Variants in AP3S1 observed in about 807,000 individuals in gnomAD.
AP3S1 encodes adaptor related protein complex 3 subunit sigma 1, also known as AP-3 complex subunit sigma-1.
Under a neutral mutation model 21.3 loss-of-function variants are expected in AP3S1, and 12 were observed. The observed-to-expected ratio is 0.56, with a 90% CI of 0.36 to 0.91. The LOEUF is 0.91. Ranked by LOEUF, AP3S1 falls within the 40% of genes least tolerant of loss-of-function variation. The probability of loss-of-function intolerance (pLI) is 0.01; values close to 1 mark genes in which losing one functional copy is unlikely to be tolerated. For synonymous variants in AP3S1, 48 were observed against 78.4 expected (o/e 0.61, Z 2.05); for missense variants, 116 against 225.0 (o/e 0.52, Z 3.10).
chr5:115,861,341 A>G (rs1763165046), intron 1 of AP3S1, among the ~76,000 whole-genome samples: 1 of 152,128 alleles, frequency 6.6e-6, no homozygotes, highest in Non-Finnish European at 1.5e-5. Flanking sequence ...GAGAAGAAAG[A>G]GATGATGAAA....
intron 1 of AP3S1, among the ~76,000 whole-genome samples, chr5:115,849,410 C>T (rs1173616123): frequency 6.6e-6 from 1 of 152,154 alleles, no homozygotes; most frequent in Non-Finnish European, 1.5e-5. Flanking sequence ...GAAAGAAGTG[C>T]AGTGTCCCTC....
chr5:115,909,068 T>G (rs985635697), intron 5 of AP3S1: 7 of 697,598 alleles, frequency 1.0e-5, no homozygotes, highest in Non-Finnish European at 1.2e-5. Flanking sequence ...ACTACCATCT[T>G]ATTATGCTGT....
At chr5:115,874,818 A>AG (rs146748530) in intron 3 of AP3S1, among the ~76,000 whole-genome samples, 3,517 of 152,034 alleles carry the variant, frequency 0.023, 84 homozygotes, top group Middle Eastern at 0.065. Context: ...TACAGACAAG[A>AG]GGTTGTTAGA....
In AP3S1 at chr5:115,858,672, G is replaced by A. The variant is rs146921740; in HGVS notation, c.70-7998G>A. On this transcript the variant is annotated intron_variant, in intron 1 of 5. Transcript: ENST00000316788. ...TTTCTCTTTCATTTTCTATCTTTGTGCCCTTTGGGTCAATTTCCCACCTTT... is the reference window on the plus strand; with the variant it reads ...TTTCTCTTTCATTTTCTATCTTTGTACCCTTTGGGTCAATTTCCCACCTTT... 1.7e-4 allele frequency among the ~76,000 whole-genome samples: 25 copies of A among 151,486 alleles called. No homozygotes were observed. The East Asian group carries it at 4.9e-3, about 29-fold the overall frequency.
intron 5 of AP3S1, among the ~76,000 whole-genome samples, chr5:115,911,302 T>C (rs563005549): frequency 1.1e-4 from 16 of 152,040 alleles, no homozygotes; most frequent in Admixed American, 7.2e-4. Flanking sequence ...TTTATAAGTG[T>C]AAACCATAGT....
At chr5:115,896,353 T>C (rs1013449282) in intron 4 of AP3S1, among the ~76,000 whole-genome samples, 2 of 152,242 alleles carry the variant, frequency 1.3e-5, no homozygotes, top group Non-Finnish European at 2.9e-5. Context: ...TTGGACAGTG[T>C]ACTTAAGCAT....
At chr5:115,855,997 GTTTA>G (rs1187729417) in intron 1 of AP3S1, among the ~76,000 whole-genome samples, 2 of 152,064 alleles carry the variant, frequency 1.3e-5, no homozygotes. Context: ...TTTTTTTAAA[GTTTA>G]TTTTTGTTTT....
rs1400214256 is a variant in AP3S1, at chr5:115,913,501, A to G, written c.*11A>G. The G allele has an allele frequency of 6.2e-7, 1 of 1,611,842 alleles. No homozygotes were observed. Among genetic ancestry groups the G allele is most frequent in the African/African-American group, 1.3e-5 (1 of 74,970 alleles). ...CCCTCTTTTAAATAAAAATGTAAAA[A>G]GGCCACTCCCAGGTAAAATCCAGGG... On this transcript the variant is annotated 3_prime_UTR_variant, in exon 6 of 6. Coordinates refer to ENST00000316788, the MANE Select transcript of AP3S1 (RefSeq NM_001284.4).
intron 1 of AP3S1, among the ~76,000 whole-genome samples, chr5:115,855,270 C>G (rs973543490): frequency 6.6e-6 from 1 of 151,488 alleles, no homozygotes; most frequent in Admixed American, 6.6e-5. Context: ...AACTCCTGAC[C>G]TCAAATGATC....
At chr5:115,890,676 T>C (rs1260066912) in intron 3 of AP3S1, among the ~76,000 whole-genome samples, 1 of 152,238 alleles carries the variant, frequency 6.6e-6, no homozygotes, top group East Asian at 1.9e-4. Context: ...GTGGCTTTAT[T>C]TTCCATAACT....
intron 3 of AP3S1, among the ~76,000 whole-genome samples, chr5:115,892,074 A>G (rs995480505): frequency 2.6e-5 from 4 of 152,260 alleles, no homozygotes; most frequent in Non-Finnish European, 4.4e-5. Context: ...GTTCAACATC[A>G]TTGATCATCA....
intron 1 of AP3S1, among the ~76,000 whole-genome samples, chr5:115,849,164 C>T (rs1000839761): frequency 6.6e-6 from 1 of 152,184 alleles, no homozygotes; most frequent in African/African-American, 2.4e-5. Flanking sequence ...ACGGATGTCA[C>T]CCTTGCCCTG....
chr5:115,895,691 G>A (rs1243576478), intron 4 of AP3S1, among the ~76,000 whole-genome samples: 1 of 152,096 alleles, frequency 6.6e-6, no homozygotes, highest in Non-Finnish European at 1.5e-5. Flanking sequence ...TGCTTTGTTT[G>A]TATATTTTTT....
At chr5:115,861,865 C>CTTTTTTTTT (rs113923492) in intron 1 of AP3S1, among the ~76,000 whole-genome samples, 2 of 110,618 alleles carry the variant, frequency 1.8e-5, no homozygotes, top group African/African-American at 3.6e-5. Context: ...CTTTTCTTTT[C>CTTTTTTTTT]TTTTTTTTTT....
At chr5:115,878,787 C>T (rs897980996) in intron 3 of AP3S1, among the ~76,000 whole-genome samples, 98 of 152,114 alleles carry the variant, frequency 6.4e-4, no homozygotes, top group Admixed American at 6.3e-3. Flanking sequence ...TTACGTTGGA[C>T]AGTGTGGCCA....
At chr5:115,869,571 A>G (rs1748039410) in intron 2 of AP3S1, among the ~76,000 whole-genome samples, 1 of 152,044 alleles carries the variant, frequency 6.6e-6, no homozygotes, top group Non-Finnish European at 1.5e-5. Context: ...TCTTCTCTAA[A>G]TTTTTTCCAA....
chr5:115,868,921 G>A (rs1747948954), intron 2 of AP3S1, among the ~76,000 whole-genome samples: 1 of 118,432 alleles, frequency 8.4e-6, no homozygotes, highest in Non-Finnish European at 1.8e-5. Flanking sequence ...AAGAGAGGAT[G>A]AAGGGAGGGA....
intron 5 of AP3S1, chr5:115,903,730 T>C (rs1342788626): frequency 2.6e-5 from 4 of 152,214 alleles, no homozygotes; most frequent in Non-Finnish European, 5.9e-5. Context: ...GTAGTGACTC[T>C]TCCCTCAAGC....
At chr5:115,895,180 C>A (rs766172822) in intron 4 of AP3S1, 22 bp downstream of exon 4, 12 of 1,516,512 alleles carry the variant, frequency 7.9e-6, no homozygotes, top group Admixed American at 4.0e-5. Flanking sequence ...ATTGTCACAT[C>A]TAAGCTTTTT....
Sources: gnomAD v4.1 joint callset for allele counts (sites outside exome capture counted in the v4.1 genomes callset) on GRCh38, gnomAD v4.1.1 for gene constraint, MANE v1.5 for transcripts, NCBI Gene and HGNC (gene_info 2026-07-23, HGNC 2026-07-21) for gene names.